FECH: variants seen among roughly 807,000 people sequenced by gnomAD.
FECH encodes ferrochelatase, mitochondrial.
A neutral mutation model predicts 56.9 loss-of-function variants in FECH; 40 were observed. The ratio of observed to expected loss-of-function variants is 0.70; its 90% CI spans 0.55 to 0.92. FECH has a LOEUF of 0.92. Ranked by LOEUF, FECH falls within the 40% of genes least tolerant of loss-of-function variation. The probability of loss-of-function intolerance (pLI) is 0.00; values close to 1 mark genes in which losing one functional copy is unlikely to be tolerated. For missense variants in FECH, 431 were observed against 529.1 expected, an observed-to-expected ratio of 0.81 and a Z score of 1.82; for synonymous variants, 175 against 198.6, an observed-to-expected ratio of 0.88 and a Z score of 1.00.
At chr18:57,585,569 G>A (rs2051356765) in intron 1 of FECH, among the ~76,000 whole-genome samples, 1 of 152,154 alleles carries the variant, frequency 6.6e-6, no homozygotes. Context: ...TAGCCTCATT[G>A]TACACTGGGT....
intron 2 of FECH, among the ~76,000 whole-genome samples, chr18:57,576,082 G>A (rs1233268039): frequency 6.6e-6 from 1 of 152,140 alleles, no homozygotes; most frequent in East Asian, 1.9e-4. Flanking sequence ...ACGGCCCTGT[G>A]CAATGCAGGA....
At chr18:57,576,754 C>T (rs928738217) in intron 2 of FECH, among the ~76,000 whole-genome samples, 1 of 152,192 alleles carries the variant, frequency 6.6e-6, no homozygotes, top group Non-Finnish European at 1.5e-5. Context: ...TACACATGCA[C>T]TTAATTCAAA....
At chr18:57,556,910 CAAAAAAAAAAA>C (rs57650194) in intron 7 of FECH, among the ~76,000 whole-genome samples, 5 of 44,388 alleles carry the variant, frequency 1.1e-4, no homozygotes, top group South Asian at 6.9e-4. Flanking sequence ...GACCCTGTCT[CAAAAAAAAAAA>C]AAAAAAAAAA....
intron 5 of FECH, among the ~76,000 whole-genome samples, chr18:57,566,067 T>C (rs1294128973): frequency 2.0e-5 from 3 of 152,176 alleles, no homozygotes; most frequent in African/African-American, 7.2e-5. Context: ...ATCTTTGCTT[T>C]CAAAATGAGA....
At chr18:57,575,544 G>C (rs1431879370) in intron 2 of FECH, among the ~76,000 whole-genome samples, 6 of 152,170 alleles carry the variant, frequency 3.9e-5, no homozygotes, top group African/African-American at 1.4e-4. Context: ...CCGGGCTCAA[G>C]TGATCCTCCC....
intron 9 of FECH, 43 bp from the exon 10 acceptor site, chr18:57,551,417 T>C (rs2050796941): frequency 6.6e-7 from 1 of 1,518,042 alleles, no homozygotes; most frequent in Non-Finnish European, 9.1e-7. Context: ...AGATATATTT[T>C]ATTTTCCTTT....
intron 3 of FECH, 22 bp downstream of exon 3, chr18:57,573,224 G>C (rs373216756): frequency 6.2e-7 from 1 of 1,609,302 alleles, no homozygotes; most frequent in African/African-American, 1.3e-5. Flanking sequence ...GGTTATAATT[G>C]AGGTGTTTAT....
chr18:57,565,080 T>C (rs2050999228), intron 5 of FECH, among the ~76,000 whole-genome samples: 1 of 152,254 alleles, frequency 6.6e-6, no homozygotes, highest in Non-Finnish European at 1.5e-5. Flanking sequence ...AAGTTTTGCA[T>C]ACACTGTCAC....
At chr18:57,586,218 C>A (rs2051369956) in intron 1 of FECH, among the ~76,000 whole-genome samples, 1 of 152,206 alleles carries the variant, frequency 6.6e-6, no homozygotes, top group Admixed American at 6.5e-5. Flanking sequence ...CCATAACATA[C>A]CTTCCCTCGC....
Position 57,546,195 on chromosome 18 carries a change from G to A in FECH, c.*4517C>T, listed in dbSNP as rs984206228. 6.6e-6 allele frequency among the ~76,000 whole-genome samples: 1 copy of A among 152,218 alleles called. No homozygotes were observed. The highest frequency in any genetic ancestry group is 1.5e-5 in the Non-Finnish European group (1 of 68,050). On this transcript the variant is annotated 3_prime_UTR_variant, in exon 11 of 11. Coordinates refer to ENST00000262093, the MANE Select transcript of FECH (RefSeq NM_000140.5). ...GATTCTGGCAGAAGGGGTTTCAGGTGAGGTGAGAAGGTTAAGAGGTGAATT... is the reference window on the plus strand; with the variant it reads ...GATTCTGGCAGAAGGGGTTTCAGGTAAGGTGAGAAGGTTAAGAGGTGAATT...
In FECH at chr18:57,554,960, AGAGAC is replaced by A. The variant is rs758035738; in HGVS notation, c.805-13_805-9del. On this transcript the variant is annotated splice_polypyrimidine_tract_variant and intron_variant, in intron 7 of 10. Coordinates refer to ENST00000262093, the MANE Select transcript of FECH (RefSeq NM_000140.5). ...GTCGCCTCTGTTGACCACCTGCAGC[AGAGAC>A]ACAATGGGTGTTCAGCCATTAACAC... 1.2e-6 allele frequency: 2 copies of A among 1,611,482 alleles called. No homozygotes were observed. The highest frequency in any genetic ancestry group is 4.5e-5 in the East Asian group (2 of 44,860).
intron 5 of FECH, among the ~76,000 whole-genome samples, chr18:57,563,583 A>AAAAAAAG (rs2050975302): frequency 6.7e-6 from 1 of 148,632 alleles, no homozygotes; most frequent in Admixed American, 6.8e-5. Flanking sequence ...TCCGTCCCAA[A>AAAAAAAG]AAAAAAAAAA....
chr18:57,570,036 T>TG (rs1284607703), intron 4 of FECH, among the ~76,000 whole-genome samples: 30 of 63,036 alleles, frequency 4.8e-4, no homozygotes, highest in Non-Finnish European at 8.2e-4. Context: ...TGTTGTCGTG[T>TG]GTGTGTGTGT....
chr18:57,564,359 T>TTACGTTGG (rs2122291562), intron 5 of FECH, among the ~76,000 whole-genome samples: 1 of 152,322 alleles, frequency 6.6e-6, no homozygotes, highest in South Asian at 2.1e-4. Context: ...GCAGATGGTG[T>TTACGTTGG]CAACCCAATG....
intron 9 of FECH, 103 bp from the exon 10 acceptor site, chr18:57,551,477 AC>A: frequency 1.1e-6 from 1 of 870,882 alleles, no homozygotes; most frequent in Non-Finnish European, 1.9e-6. Flanking sequence ...AGATACACAC[AC>A]ACAATTCAAA....
chr18:57,571,493 T>C lies in FECH; in HGVS notation c.362A>G (p.Glu121Gly), dbSNP rs141813907. ...IAKRRTPKIQ[E>G]QYRRIGGGSP... ...TCCGCCTCCAATCCTGCGGTACTGC[T>C]CTTGAATCTTGGGGGTTCGGCGTTT... is the stretch of plus-strand genomic sequence containing the variant. The change falls in exon 4 of 11, where the codon GAG becomes GGG. Residue 121 changes from glutamate to glycine, a missense_variant. Physicochemically the swap from Glu to Gly is moderately conservative, Grantham distance 98. Coordinates refer to ENST00000262093, the MANE Select transcript of FECH (RefSeq NM_000140.5). 4.6e-4 allele frequency: 748 copies of C among 1,613,988 alleles called. 1 individual carries two copies. Among genetic ancestry groups the C allele is most frequent in the Middle Eastern group, 1.3e-3 (8 of 6,062 alleles).
Position 57,566,588 on chromosome 18 carries a change from G to C in FECH, c.464-7C>G. 1 of 1,614,060 alleles carries C rather than the reference G, an allele frequency of 6.2e-7. No individual in the cohort carries two copies. Among genetic ancestry groups the C allele is most frequent in the Non-Finnish European group, 8.5e-7 (1 of 1,179,964 alleles). On this transcript the variant is annotated splice_polypyrimidine_tract_variant and splice_region_variant and intron_variant, in intron 4 of 10. Transcript: ENST00000262093. ...ATATAGTATTTGTGAGGGGCTATTA[G>C]GAAGCACATGTGGAAAGGAGAAAGT...
chr18:57,568,871 G>C (rs1235294328), intron 4 of FECH, among the ~76,000 whole-genome samples: 1 of 152,210 alleles, frequency 6.6e-6, no homozygotes, highest in Non-Finnish European at 1.5e-5. Context: ...TGCCAATGAT[G>C]AATTAAAAAG....
chr18:57,556,061 G>A (rs1461263977), intron 7 of FECH, among the ~76,000 whole-genome samples: 3 of 152,184 alleles, frequency 2.0e-5, no homozygotes, highest in Non-Finnish European at 2.9e-5. Context: ...CTCAGGAGGC[G>A]GAAGCTGCAG....
Sources: gnomAD v4.1 joint callset for allele counts (sites outside exome capture counted in the v4.1 genomes callset) on GRCh38, gnomAD v4.1.1 for gene constraint, MANE v1.5 for transcripts, NCBI Gene and HGNC (gene_info 2026-07-23, HGNC 2026-07-21) for gene names.